The following HOXC4 variants were observed in gnomAD, a reference collection of about 807,000 sequenced individuals.
HOXC4 encodes the protein homeobox protein Hox-C4.
In HOXC4, 15 loss-of-function variants were observed where a neutral mutation model predicts 25.5. That is an observed-to-expected ratio of 0.59 (90% CI 0.39 to 0.91). HOXC4 has a LOEUF of 0.91. HOXC4 is among the 40% of genes least tolerant of loss of function. The pLI is 0.00. For synonymous variants in HOXC4, 165 were observed against 148.0 expected (o/e 1.11, Z -0.83); for missense variants, 342 against 352.4 (o/e 0.97, Z 0.24).
intron 1 of HOXC4, among the ~76,000 whole-genome samples, chr12:54,023,689 C>T (rs1245528787): frequency 1.3e-5 from 2 of 152,214 alleles, no homozygotes; most frequent in Non-Finnish European, 2.9e-5. Flanking sequence ...ATTAGCACCC[C>T]CAAATGATAT....
At chr12:54,031,248 CG>C (rs1011538897) in intron 1 of HOXC4, among the ~76,000 whole-genome samples, 3 of 152,176 alleles carry the variant, frequency 2.0e-5, no homozygotes, top group African/African-American at 7.2e-5. Context: ...GAGTTGGAGG[CG>C]GGGGGCGCCG....
chr12:54,055,192 T>A lies in HOXC4; in HGVS notation c.782T>A (p.Ile261Asn), dbSNP rs969888999. ...CCGGAGCAGCAACGGGCAGAGGACATTACCAGGTTATAAAACATAACTCAC... is the reference window on the plus strand; with the variant it reads ...CCGGAGCAGCAACGGGCAGAGGACAATACCAGGTTATAAAACATAACTCAC... ...TPPEQQRAEDITRL is the reference protein window; with the variant it reads ...TPPEQQRAEDNTRL The change falls in exon 2 of 2, where the codon ATT becomes AAT. Residue 261 changes from isoleucine to asparagine, a missense_variant. Physicochemically the swap from Ile to Asn is moderately radical, Grantham distance 149. Coordinates refer to ENST00000430889, the MANE Select transcript of HOXC4 (RefSeq NM_153633.3). 10 of 1,595,716 alleles carry A rather than the reference T, an allele frequency of 6.3e-6. No homozygotes were observed. Among genetic ancestry groups the A allele is most frequent in the Non-Finnish European group, 8.5e-6 (10 of 1,169,744 alleles).
chr12:54,040,703 T>G (rs1174340589), intron 1 of HOXC4, among the ~76,000 whole-genome samples: 1 of 152,256 alleles, frequency 6.6e-6, no homozygotes, highest in African/African-American at 2.4e-5. Flanking sequence ...CAGCCCTGAA[T>G]TCAAATTCTG....
chr12:54,050,378 C>A (rs1348511749), upstream of HOXC4, among the ~76,000 whole-genome samples: 1 of 152,094 alleles, frequency 6.6e-6, no homozygotes, highest in African/African-American at 2.4e-5. Context: ...TGGATGCTGG[C>A]AAAAGGTAGT....
intron 1 of HOXC4, among the ~76,000 whole-genome samples, chr12:54,026,785 C>T (rs1047407822): frequency 6.6e-6 from 1 of 152,182 alleles, no homozygotes; most frequent in African/African-American, 2.4e-5. Flanking sequence ...TCCAGGGAAA[C>T]CTTAACGTTA....
chr12:54,052,682 G>T (rs1937876684), upstream of HOXC4, among the ~76,000 whole-genome samples: 1 of 152,064 alleles, frequency 6.6e-6, no homozygotes, highest in Non-Finnish European at 1.5e-5. Context: ...CAGAGAGAGA[G>T]CAGGGGGTGT....
intron 1 of HOXC4, chr12:54,034,086 G>C (rs1941104364): frequency 1.4e-6 from 1 of 718,090 alleles, no homozygotes. Flanking sequence ...GCGGTGGAAA[G>C]TTTCCTGCCT....
In HOXC4 at chr12:54,034,529, C is replaced by G. The variant is rs371365110; in HGVS notation, c.-124+17115C>G. 23 of 1,542,692 alleles carry G rather than the reference C, an allele frequency of 1.5e-5. No homozygotes were observed. In the African/African-American group the frequency reaches 2.3e-4, roughly 16 times the overall value. On this transcript the variant is annotated intron_variant, in intron 1 of 3. Coordinates refer to the HOXC4 transcript ENST00000303406. ...GAGGCCCGCAGAGCGCGCCCCTAGCCGGTTCCTGTCCCTGCGCCTTTCCTT... is the reference window on the plus strand; with the variant it reads ...GAGGCCCGCAGAGCGCGCCCCTAGCGGGTTCCTGTCCCTGCGCCTTTCCTT...
chr12:54,017,536 G>A (rs964110693), intron 1 of HOXC4: 1 of 151,918 alleles, frequency 6.6e-6, no homozygotes. Context: ...TGGGCGCGTA[G>A]TTAATTATGG....
At chr12:54,046,544 T>TA (rs1937709972) in intron 1 of HOXC4, among the ~76,000 whole-genome samples, 1 of 152,018 alleles carries the variant, frequency 6.6e-6, no homozygotes, top group Non-Finnish European at 1.5e-5. Context: ...GAAATATATA[T>TA]ATATATATAC....
intron 1 of HOXC4, chr12:54,028,895 G>A: frequency 6.2e-7 from 1 of 1,611,902 alleles, no homozygotes; most frequent in Non-Finnish European, 8.5e-7. Context: ...ATTTACCCCT[G>A]GATGCAGCGA....
intron 1 of HOXC4, among the ~76,000 whole-genome samples, chr12:54,025,415 T>C (rs1023871962): frequency 1.3e-5 from 2 of 152,000 alleles, no homozygotes; most frequent in Admixed American, 1.3e-4. Flanking sequence ...ATCGGGCTCA[T>C]CTGACCTGCT....
chr12:54,026,417 T>C (rs1003006112), intron 1 of HOXC4, among the ~76,000 whole-genome samples: 3 of 152,224 alleles, frequency 2.0e-5, no homozygotes, highest in African/African-American at 7.2e-5. Context: ...GTGTCTATGT[T>C]TGTGTACCTG....
chr12:54,018,927 CCCTGACCCGTCG>C (rs1212395977), intron 1 of HOXC4, among the ~76,000 whole-genome samples: 1 of 152,138 alleles, frequency 6.6e-6, no homozygotes, highest in Non-Finnish European at 1.5e-5. Context: ...CCTGTTTAAA[CCCTGACCCGTCG>C]CCTGTGGGGG....
intron 1 of HOXC4, chr12:54,033,534 CCA>C (rs1287245134): frequency 6.3e-7 from 1 of 1,598,126 alleles, no homozygotes; most frequent in Non-Finnish European, 8.5e-7. Flanking sequence ...ACCGGCCCCG[CCA>C]CAGATTTACC....
chr12:54,036,104 G>C (rs1453681072), intron 1 of HOXC4, among the ~76,000 whole-genome samples: 1 of 152,122 alleles, frequency 6.6e-6, no homozygotes, highest in Non-Finnish European at 1.5e-5. Context: ...TGTGTGGAGG[G>C]GAGGATGGGT....
intron 1 of HOXC4, among the ~76,000 whole-genome samples, chr12:54,017,858 C>T (rs1311717777): frequency 6.6e-6 from 1 of 151,926 alleles, no homozygotes; most frequent in Non-Finnish European, 1.5e-5. Context: ...GCAAAGTTAG[C>T]CCCCCAACCC....
chr12:54,054,502 G>A (rs1230011470), intron 1 of HOXC4, 141 bp downstream of exon 1: 5 of 635,864 alleles, frequency 7.9e-6, no homozygotes, highest in Non-Finnish European at 1.4e-5. Flanking sequence ...TAGCACAATT[G>A]AACTGGATTT....
upstream of HOXC4, among the ~76,000 whole-genome samples, chr12:54,052,112 G>A (rs977023635): frequency 6.6e-6 from 1 of 152,170 alleles, no homozygotes; most frequent in African/African-American, 2.4e-5. Context: ...GCGAATTAAA[G>A]GTAGATTGAC....
Sources: allele counts gnomAD v4.1 joint callset (sites outside exome capture counted in the v4.1 genomes callset), GRCh38; gene constraint gnomAD v4.1.1; transcripts MANE v1.5; gene names NCBI Gene and HGNC (gene_info 2026-07-23, HGNC 2026-07-21).